MEGF10: variants seen among roughly 807,000 people sequenced by gnomAD.
MEGF10 encodes multiple EGF like domains 10.
Under a neutral mutation model 147.5 loss-of-function variants are expected in MEGF10, and 86 were observed. That is an observed-to-expected ratio of 0.58 (90% confidence interval 0.49 to 0.70). MEGF10 has a LOEUF of 0.70. Among genes scored for constraint, MEGF10 ranks in the 30% least tolerant of loss-of-function variants. The probability of loss-of-function intolerance (pLI) is 0.00; values close to 1 mark genes in which losing one functional copy is unlikely to be tolerated. For synonymous variants in MEGF10, 478 were observed against 525.5 expected (o/e 0.91, Z 1.24); for missense variants, 1,329 against 1,487.3 (o/e 0.89, Z 1.75).
chr5:127,387,282 A>T (rs1561611581), intron 5 of MEGF10, among the ~76,000 whole-genome samples: 1 of 152,082 alleles, frequency 6.6e-6, no homozygotes, highest in Non-Finnish European at 1.5e-5. Context: ...TCCTTTGTCT[A>T]CCTGAAAACA....
At chr5:127,247,481 A>G in the MEGF10 span, among the ~76,000 whole-genome samples, 677 of 149,494 alleles carry the variant, frequency 4.5e-3, 4 homozygotes, top group Non-Finnish European at 7.6e-3. Context: ...AAGAAGAAGA[A>G]GAAGAAAAAT....
chr5:127,436,708 T>C (rs544334631), intron 16 of MEGF10, among the ~76,000 whole-genome samples: 1 of 152,330 alleles, frequency 6.6e-6, no homozygotes, highest in African/African-American at 2.4e-5. Flanking sequence ...CAACTATGAA[T>C]GGAGACTATA....
At chr5:127,332,378 G>T (rs1162618451) in intron 2 of MEGF10, among the ~76,000 whole-genome samples, 2 of 152,136 alleles carry the variant, frequency 1.3e-5, no homozygotes, top group African/African-American at 2.4e-5. Flanking sequence ...TCAAACTCTT[G>T]ATCTTCAGCA....
rs1764178672 is a variant in MEGF10, at chr5:127,402,656, T to C, written c.891T>C (p.His297=). 1 of 1,614,078 alleles carries C rather than the reference T, an allele frequency of 6.2e-7. No homozygotes were observed. The part of the protein sequence containing the change: ...GTCDAATGQC[H]CSPGYTGERC... Reference sequence around the variant, plus strand: ...GTGATGCTGCCACAGGCCAATGTCATTGCAGTCCAGGATACACAGGGGAAC... The same window carrying C: ...GTGATGCTGCCACAGGCCAATGTCACTGCAGTCCAGGATACACAGGGGAAC... The change falls in exon 8 of 25, where the codon CAT becomes CAC. Residue 297 remains histidine (H), a synonymous_variant. Transcript: ENST00000503335.
intron 5 of MEGF10, among the ~76,000 whole-genome samples, chr5:127,384,136 T>C (rs1727149409): frequency 6.6e-6 from 1 of 152,206 alleles, no homozygotes; most frequent in Non-Finnish European, 1.5e-5. Context: ...TTCCCAGCAA[T>C]GTGTGCAATC....
chr5:127,342,977 C>A (rs1761740270), intron 4 of MEGF10, among the ~76,000 whole-genome samples: 1 of 152,074 alleles, frequency 6.6e-6, no homozygotes, highest in Admixed American at 6.6e-5. Flanking sequence ...CCCCACACCC[C>A]CACCCCGCCC....
chr5:127,255,117 A>T, the MEGF10 span, among the ~76,000 whole-genome samples: 1 of 151,996 alleles, frequency 6.6e-6, no homozygotes, highest in African/African-American at 2.4e-5. Context: ...GTACTGAGTC[A>T]GCCTCTGGGT....
At chr5:127,291,553 G>A (rs1227713084) in intron 1 of MEGF10, among the ~76,000 whole-genome samples, 1 of 152,160 alleles carries the variant, frequency 6.6e-6, no homozygotes, top group African/African-American at 2.4e-5. Context: ...AGGCTGGCGG[G>A]ATGCTCCCCT....
At chr5:127,357,766 C>A (rs1171779204) in intron 4 of MEGF10, among the ~76,000 whole-genome samples, 1 of 152,016 alleles carries the variant, frequency 6.6e-6, no homozygotes, top group Non-Finnish European at 1.5e-5. Context: ...TTTTAGGGCC[C>A]ATACAATTTT....
the MEGF10 span, among the ~76,000 whole-genome samples, chr5:127,240,766 A>C: frequency 6.6e-6 from 1 of 152,228 alleles, no homozygotes; most frequent in African/African-American, 2.4e-5. Context: ...TTGTGAATCA[A>C]CTCACAGGAG....
At chr5:127,405,570 GTCTTT>G (rs1253888661) in intron 8 of MEGF10, among the ~76,000 whole-genome samples, 3 of 151,980 alleles carry the variant, frequency 2.0e-5, no homozygotes, top group Non-Finnish European at 4.4e-5. Context: ...ACATAAGTTA[GTCTTT>G]TCTTTTCAAT....
rs376104584 is a variant in MEGF10 at position 127,433,347 on chromosome 5, A to G, written c.1694-16A>G. On this transcript the variant is annotated splice_polypyrimidine_tract_variant and intron_variant, in intron 13 of 24. Transcript: ENST00000503335. ...ACTGCCTCTCACTCAGCCTTGCCCC[A>G]TGTGCATTATTTCAGGTGTCCACTG... 49 of 1,614,140 alleles carry G rather than the reference A, an allele frequency of 3.0e-5. No homozygotes were observed. In the African/African-American group the frequency reaches 6.4e-4, roughly 21 times the overall value.
intron 17 of MEGF10, among the ~76,000 whole-genome samples, chr5:127,440,095 A>T (rs1464842992): frequency 1.3e-5 from 2 of 152,234 alleles, no homozygotes; most frequent in African/African-American, 4.8e-5. Context: ...CAGCCCATGT[A>T]AGCCAACAGA....
intron 4 of MEGF10, among the ~76,000 whole-genome samples, chr5:127,343,665 T>C (rs906618594): frequency 6.6e-6 from 1 of 151,872 alleles, no homozygotes; most frequent in African/African-American, 2.4e-5. Context: ...AATGATCTTC[T>C]CAGGGCCAAG....
At chr5:127,404,210 T>C (rs1200331307) in intron 8 of MEGF10, among the ~76,000 whole-genome samples, 1 of 151,860 alleles carries the variant, frequency 6.6e-6, no homozygotes, top group East Asian at 1.9e-4. Flanking sequence ...ATTTCTCTGA[T>C]GATCAATTGT....
chr5:127,304,436 T>C (rs2126720818), intron 1 of MEGF10, among the ~76,000 whole-genome samples: 1 of 152,318 alleles, frequency 6.6e-6, no homozygotes, highest in South Asian at 2.1e-4. Flanking sequence ...CCCCTTTCCA[T>C]GAGCTGGGAT....
At position 127,447,297 on chromosome 5, in the gene MEGF10, T is replaced by C. The variant is rs1765972155; in HGVS notation, c.2729-260T>C. 2.0e-5 allele frequency among the ~76,000 whole-genome samples: 3 copies of C among 152,158 alleles called. No individual in the cohort carries two copies. In the South Asian group the frequency reaches 6.2e-4, roughly 32 times the overall value. ...TTCAAGCGATTCTTCTGCCTCAGCC[T>C]CCCGAGTAGCTGGGACTACAGGCGC... On this transcript the variant is annotated intron_variant, in intron 20 of 24. Coordinates refer to ENST00000503335, the MANE Select transcript of MEGF10 (RefSeq NM_001256545.2).
the MEGF10 span, among the ~76,000 whole-genome samples, chr5:127,280,900 C>T: frequency 6.6e-6 from 1 of 152,212 alleles, no homozygotes; most frequent in African/African-American, 2.4e-5. Flanking sequence ...TCTTAGGACT[C>T]CTTTCCAAAG....
chr5:127,326,644 C>G (rs1761047660), intron 1 of MEGF10, among the ~76,000 whole-genome samples: 1 of 152,154 alleles, frequency 6.6e-6, no homozygotes, highest in Non-Finnish European at 1.5e-5. Context: ...GCCGGCCTTT[C>G]TGAGTAGTTT....
Sources: allele counts gnomAD v4.1 joint callset (sites outside exome capture counted in the v4.1 genomes callset), GRCh38; gene constraint gnomAD v4.1.1; transcripts MANE v1.5; gene names NCBI Gene and HGNC (gene_info 2026-07-23, HGNC 2026-07-21).